TGIF1: variants seen among roughly 807,000 people sequenced by gnomAD.
The protein encoded by TGIF1 is TGFB induced factor homeobox 1.
Under a neutral mutation model 19.3 loss-of-function variants are expected in TGIF1, and 4 were observed. The ratio of observed to expected loss-of-function variants is 0.21; its 90% confidence interval spans 0.10 to 0.47. The LOEUF is 0.47. Among genes scored for constraint, TGIF1 ranks in the 20% least tolerant of loss-of-function variants. The pLI is 0.98. For missense variants in TGIF1, 275 were observed against 341.4 expected, an observed-to-expected ratio of 0.81 and a Z score of 1.53; for synonymous variants, 122 against 129.3, an observed-to-expected ratio of 0.94 and a Z score of 0.38.
At chr18:3,429,076 G>T (rs1321832714) in intron 2 of TGIF1, among the ~76,000 whole-genome samples, 2 of 152,026 alleles carry the variant, frequency 1.3e-5, no homozygotes, top group Non-Finnish European at 2.9e-5. Flanking sequence ...TTATTTTATA[G>T]AGACGGGCCT....
At chr18:3,419,981 G>A (rs2082380925) in intron 2 of TGIF1, among the ~76,000 whole-genome samples, 2 of 151,354 alleles carry the variant, frequency 1.3e-5, no homozygotes, top group African/African-American at 2.4e-5. Context: ...ACTCCAACCT[G>A]GGTAACGGGG....
chr18:3,424,261 T>C (rs983931476), intron 2 of TGIF1, among the ~76,000 whole-genome samples: 3 of 152,136 alleles, frequency 2.0e-5, no homozygotes, highest in African/African-American at 7.2e-5. Context: ...TTTTTTAATG[T>C]CAGATGGGTA....
rs2082923623 is a variant in TGIF1 at position 3,451,451 on chromosome 18, AGTGTT to A, written c.16+947_16+951del. 2 of 986,842 alleles carry A rather than the reference AGTGTT, an allele frequency of 2.0e-6. No homozygotes were observed. Among genetic ancestry groups the A allele is most frequent in the Non-Finnish European group, 2.4e-6 (2 of 831,128 alleles). 61.1% of individuals were successfully genotyped at this position (986,842 alleles called of 1,614,324 possible). ...GAGTCCCTGGCTGGGAGGTCCCCCG[AGTGTT>A]CCGCTGTGGGCTGGAGGTGGCGTTT... is the stretch of plus-strand genomic sequence containing the variant. On this transcript the variant is annotated intron_variant, in intron 1 of 2. Transcript: ENST00000343820. This position sits in a 1 kb window ranked among gnomAD's most constrained non-coding sequence, Gnocchi z 5.4.
intron 1 of TGIF1, among the ~76,000 whole-genome samples, chr18:3,450,875 G>T (rs187892828): frequency 2.0e-5 from 3 of 152,226 alleles, no homozygotes; most frequent in African/African-American, 7.2e-5. Context: ...GAGTAGGGAG[G>T]ACCCAGCCCC....
rs191769243 is a variant in TGIF1 at position 3,457,892 on chromosome 18, A to G, written c.771A>G (p.Ala257=). 2.1e-5 allele frequency: 33 copies of G among 1,603,028 alleles called. No individual in the cohort carries two copies. The highest frequency in any genetic ancestry group is 1.7e-4 in the Admixed American group (10 of 60,010). The part of the protein sequence containing the change: ...FSGFQLLVDV[A]LKRAAEMELQ... ...GATTTCAGCTTCTAGTGGATGTTGC[A>G]CTCAAACGGGCTGCAGAGATGGAGC... Residue 257 remains alanine (A), a synonymous_variant, in exon 3 of 3, where the codon GCA becomes GCG. Transcript: ENST00000343820. This position sits in a 1 kb window ranked among gnomAD's most constrained non-coding sequence, Gnocchi z 4.9.
chr18:3,412,158 C>CGCGGTT (rs1206108224), exon 1 of TGIF1: 1 of 152,302 alleles, frequency 6.6e-6, no homozygotes, highest in African/African-American at 2.4e-5. Flanking sequence ...CCAGCCCCGC[C>CGCGGTT]GCGGTTCCGG....
chr18:3,446,140 G>A (rs982133736), upstream of TGIF1, among the ~76,000 whole-genome samples: 1 of 152,184 alleles, frequency 6.6e-6, no homozygotes, highest in Non-Finnish European at 1.5e-5. Context: ...CAGATGTTGA[G>A]AATAAGGAGA....
At chr18:3,441,482 G>C (rs2082677346) in intron 2 of TGIF1, among the ~76,000 whole-genome samples, 1 of 152,020 alleles carries the variant, frequency 6.6e-6, no homozygotes, top group East Asian at 1.9e-4. Flanking sequence ...AGAATGTTGG[G>C]CAGCATCCCT....
upstream of TGIF1, among the ~76,000 whole-genome samples, chr18:3,445,764 G>GAA (rs1568041656): frequency 4.1e-4 from 10 of 24,106 alleles, no homozygotes; most frequent in African/African-American, 1.5e-3. Flanking sequence ...GAGAAGAAAA[G>GAA]CAAAAAAAAA....
At chr18:3,435,479 T>G (rs2082603663) in intron 2 of TGIF1, among the ~76,000 whole-genome samples, 1 of 152,198 alleles carries the variant, frequency 6.6e-6, no homozygotes, top group South Asian at 2.1e-4. Flanking sequence ...ATTACAGGTG[T>G]GAGCCACCGC....
At position 3,450,466 on chromosome 18, in the gene TGIF1, T is replaced by C. The variant is rs753486304; in HGVS notation, c.-24T>C. 5.1e-6 allele frequency: 8 copies of C among 1,556,192 alleles called. No individual in the cohort carries two copies. The East Asian group carries it at 1.2e-4, about 24-fold the overall frequency. On this transcript the variant is annotated 5_prime_UTR_variant, in exon 1 of 3. Coordinates refer to ENST00000343820, the MANE Select transcript of TGIF1 (RefSeq NM_003244.4). ...GGCCCCTCCAGACCCCCGCCTTGCC[T>C]CGCGCTGGGAGGGGAGATCCAGAAT...
intron 2 of TGIF1, among the ~76,000 whole-genome samples, chr18:3,442,319 C>T (rs2082685711): frequency 6.6e-6 from 1 of 152,012 alleles, no homozygotes; most frequent in African/African-American, 2.4e-5. Context: ...GATGAATTAG[C>T]CCTTTAATGG....
chr18:3,457,703 G>T lies in TGIF1; in HGVS notation c.582G>T (p.Val194=). The T allele has an allele frequency of 6.2e-7, 1 of 1,614,154 alleles. No individual in the cohort carries two copies. The highest frequency in any genetic ancestry group is 8.5e-7 in the Non-Finnish European group (1 of 1,180,040). The change falls in exon 3 of 3, where the codon GTG becomes GTT. Residue 194 remains valine, a synonymous_variant. Coordinates refer to ENST00000343820, the MANE Select transcript of TGIF1 (RefSeq NM_003244.4). This position sits in a 1 kb window ranked among gnomAD's most constrained non-coding sequence, Gnocchi z 4.9. ...TCTCTCTCTGCCAGTCGGTCGGTGT[G>T]GGACAAAACACAGATATACAGCAGA... ...VPFSLCQSVG[V]GQNTDIQQIA... is the part of the protein sequence containing the mutation.
At position 3,433,073 on chromosome 18, in the gene TGIF1, CT is replaced by C. The variant is rs925733282; in HGVS notation, c.-45+14870del. Among the ~76,000 whole-genome samples the C allele has an allele frequency of 2.6e-3, 359 of 138,834 alleles. 1 individual carries two copies. The highest frequency in any genetic ancestry group is 6.6e-3 in the African/African-American group (241 of 36,430). 91.1% of individuals were successfully genotyped at this position (138,834 alleles called of 152,430 possible). On this transcript the variant is annotated intron_variant, in intron 2 of 3. Transcript: ENST00000401449. ...TGCGCCTGGCCTTCTTCTTCTTCTT[CT>C]TTTTTTTTTTTGAGACTGATTCTGA...
chr18:3,454,743 G>A (rs942644681), intron 1 of TGIF1, among the ~76,000 whole-genome samples: 31 of 152,208 alleles, frequency 2.0e-4, no homozygotes, highest in African/African-American at 6.8e-4. Context: ...TAGGATTCTT[G>A]TGCAGTTTAT....
chr18:3,423,354 TG>T (rs1396140860), intron 2 of TGIF1, among the ~76,000 whole-genome samples: 1 of 152,018 alleles, frequency 6.6e-6, no homozygotes, highest in Non-Finnish European at 1.5e-5. Flanking sequence ...TCAACCAGCC[TG>T]GGCAACATAG....
chr18:3,425,014 A>G (rs115871498), intron 2 of TGIF1, among the ~76,000 whole-genome samples: 1,815 of 152,348 alleles, frequency 0.012, 44 homozygotes, highest in African/African-American at 0.04. Context: ...TGGAAGGGCC[A>G]TGGGAACCCT....
chr18:3,424,169 T>C (rs2082440664), intron 2 of TGIF1, among the ~76,000 whole-genome samples: 2 of 152,212 alleles, frequency 1.3e-5, no homozygotes, highest in African/African-American at 4.8e-5. Context: ...CATTGTATTG[T>C]AGCTATTTCT....
At chr18:3,436,491 A>G (rs937011636) in intron 2 of TGIF1, among the ~76,000 whole-genome samples, 20 of 152,210 alleles carry the variant, frequency 1.3e-4, no homozygotes, top group African/African-American at 4.1e-4. Context: ...GTAGGTTAGA[A>G]TGTAAATCTA....
Sources: allele counts gnomAD v4.1 joint callset (sites outside exome capture counted in the v4.1 genomes callset), GRCh38; gene constraint gnomAD v4.1.1; non-coding constraint Gnocchi (gnomAD v3.1); transcripts MANE v1.5; gene names NCBI Gene and HGNC (gene_info 2026-07-23, HGNC 2026-07-21).